The following RASGRF2 variants were observed in gnomAD, a reference collection of about 807,000 sequenced individuals.
The protein encoded by RASGRF2 is Ras protein specific guanine nucleotide releasing factor 2, also known as ras-specific guanine nucleotide-releasing factor 2.
A neutral mutation model predicts 151.0 loss-of-function variants in RASGRF2; 76 were observed. The ratio of observed to expected loss-of-function variants is 0.50; its 90% CI spans 0.42 to 0.61. RASGRF2 has a LOEUF of 0.61. Among genes scored for constraint, RASGRF2 ranks in the 20% least tolerant of loss-of-function variants. The pLI is 0.00. For synonymous variants in RASGRF2, 504 were observed against 566.5 expected (o/e 0.89, Z 1.57); for missense variants, 1,148 against 1,564.6 (o/e 0.73, Z 4.49).
At position 81,085,912 on chromosome 5, in the gene RASGRF2, G is replaced by C. The variant is rs1752216431; in HGVS notation, c.1271+1G>C. The C allele has an allele frequency of 6.2e-7, 1 of 1,613,910 alleles. No individual in the cohort carries two copies. On this transcript the variant is annotated splice_donor_variant, in intron 8 of 26. Coordinates refer to ENST00000265080, the MANE Select transcript of RASGRF2 (RefSeq NM_006909.3). LOFTEE classifies it high-confidence loss of function. ...AATCAAAGCTAGAGGAACTATCCAG[G>C]TATGCCAAGAACTTATAACAAAGGC... is the stretch of plus-strand genomic sequence containing the variant.
intron 17 of RASGRF2, among the ~76,000 whole-genome samples, chr5:81,172,434 CGTGTGTGT>C (rs57957668): frequency 0.075 from 10,912 of 145,292 alleles, 455 homozygotes; most frequent in Non-Finnish European, 0.1. Flanking sequence ...CAAGGATGTG[CGTGTGTGT>C]GTGTGTGTGT....
At chr5:80,982,640 G>C (rs1035712713) in intron 1 of RASGRF2, among the ~76,000 whole-genome samples, 1 of 140,202 alleles carries the variant, frequency 7.1e-6, no homozygotes, top group African/African-American at 2.6e-5. Context: ...TCGCTCTGTT[G>C]CCCAGGCTGG....
intron 12 of RASGRF2, among the ~76,000 whole-genome samples, chr5:81,098,926 T>C (rs1323245084): frequency 6.6e-6 from 1 of 152,262 alleles, no homozygotes; most frequent in African/African-American, 2.4e-5. Context: ...AATATTTTAT[T>C]GTGTATATGT....
intron 18 of RASGRF2, among the ~76,000 whole-genome samples, chr5:81,199,485 C>T (rs1285935749): frequency 6.6e-6 from 1 of 152,148 alleles, no homozygotes; most frequent in Non-Finnish European, 1.5e-5. Context: ...AATAAGTAAT[C>T]TCTGAGGTGT....
chr5:81,013,352 T>C (rs1749529783), intron 1 of RASGRF2, among the ~76,000 whole-genome samples: 1 of 152,186 alleles, frequency 6.6e-6, no homozygotes, highest in Non-Finnish European at 1.5e-5. Flanking sequence ...TTTTCCATAC[T>C]TTCTCCCTTA....
rs778879003 is a variant in RASGRF2 at position 81,068,016 on chromosome 5, G to T, written c.396-16G>T. 20 of 1,585,870 alleles carry T rather than the reference G, an allele frequency of 1.3e-5. No homozygotes were observed. Among genetic ancestry groups the T allele is most frequent in the Admixed American group, 3.5e-5 (2 of 57,064 alleles). On this transcript the variant is annotated splice_polypyrimidine_tract_variant and intron_variant, in intron 2 of 26. Transcript: ENST00000265080. ...GAACAATATCTCAATGACTAACTGTGTAATTTTCTCTCAAGTTATGCAGAC... is the reference window on the plus strand; with the variant it reads ...GAACAATATCTCAATGACTAACTGTTTAATTTTCTCTCAAGTTATGCAGAC...
At chr5:81,034,963 G>A (rs1465026520) in intron 1 of RASGRF2, among the ~76,000 whole-genome samples, 1 of 151,744 alleles carries the variant, frequency 6.6e-6, no homozygotes, top group Non-Finnish European at 1.5e-5. Flanking sequence ...TAAAAAAAAA[G>A]TCAGGAAACA....
At chr5:81,071,673 A>G (rs1422124605) in intron 4 of RASGRF2, among the ~76,000 whole-genome samples, 1 of 151,896 alleles carries the variant, frequency 6.6e-6, no homozygotes, top group East Asian at 1.9e-4. Flanking sequence ...AATCAAGCTT[A>G]TGCTATTGTG....
chr5:80,988,281 G>C (rs1356689244), intron 1 of RASGRF2, among the ~76,000 whole-genome samples: 3 of 152,094 alleles, frequency 2.0e-5, no homozygotes, highest in Non-Finnish European at 4.4e-5. Context: ...AAACTCCTGG[G>C]CTGAAGTGAT....
At chr5:80,989,556 A>G (rs767536399) in intron 1 of RASGRF2, among the ~76,000 whole-genome samples, 8 of 152,214 alleles carry the variant, frequency 5.3e-5, no homozygotes, top group African/African-American at 7.2e-5. Flanking sequence ...TATCATCAGA[A>G]CAACTAATAA....
chr5:81,207,379 T>C (rs1283632351), intron 21 of RASGRF2, 30 bp downstream of exon 21: 1 of 1,552,810 alleles, frequency 6.4e-7, no homozygotes, highest in South Asian at 1.1e-5. Context: ...GCAGCAGGGC[T>C]CGGCTGCTCT....
intron 17 of RASGRF2, among the ~76,000 whole-genome samples, chr5:81,155,153 T>A (rs7712278): frequency 0.29 from 44,430 of 151,970 alleles, 6,857 homozygotes; most frequent in East Asian, 0.4. Context: ...TGGGATTCAG[T>A]TAAGTAGTGT....
At chr5:81,221,123 G>A (rs1417821279) in intron 26 of RASGRF2, among the ~76,000 whole-genome samples, 1 of 152,180 alleles carries the variant, frequency 6.6e-6, no homozygotes, top group Non-Finnish European at 1.5e-5. Context: ...ATTTCTGACT[G>A]TTGATGTTAG....
chr5:81,134,535 G>C (rs75501809), intron 17 of RASGRF2, among the ~76,000 whole-genome samples: 1 of 152,000 alleles, frequency 6.6e-6, no homozygotes, highest in Non-Finnish European at 1.5e-5. Context: ...ATAAATTCTC[G>C]GGCCACACAT....
chr5:81,043,484 A>G (rs1750742109), intron 2 of RASGRF2, among the ~76,000 whole-genome samples: 1 of 152,206 alleles, frequency 6.6e-6, no homozygotes, highest in Non-Finnish European at 1.5e-5. Context: ...AGGGGATGAC[A>G]TCCTCTATTT....
intron 18 of RASGRF2, among the ~76,000 whole-genome samples, chr5:81,188,292 A>T (rs1406256435): frequency 6.6e-6 from 1 of 152,226 alleles, no homozygotes; most frequent in African/African-American, 2.4e-5. Context: ...TAGGAGAAAG[A>T]TGCCTCTCTG....
intron 2 of RASGRF2, among the ~76,000 whole-genome samples, chr5:81,062,197 C>T (rs968089162): frequency 1.3e-5 from 2 of 151,952 alleles, no homozygotes; most frequent in African/African-American, 4.8e-5. Flanking sequence ...TTGTGTGAAG[C>T]CCTTTTGTGT....
At chr5:81,155,063 G>C (rs1435923284) in intron 17 of RASGRF2, among the ~76,000 whole-genome samples, 3 of 152,012 alleles carry the variant, frequency 2.0e-5, no homozygotes, top group Non-Finnish European at 2.9e-5. Context: ...TCACCTGTTG[G>C]CCATTTGTGT....
At chr5:81,189,994 G>A (rs1413917348) in intron 18 of RASGRF2, among the ~76,000 whole-genome samples, 2 of 152,316 alleles carry the variant, frequency 1.3e-5, no homozygotes, top group East Asian at 3.9e-4. Flanking sequence ...TTACAGGCGT[G>A]AGCCACTACG....
Sources: gnomAD v4.1 joint callset for allele counts (sites outside exome capture counted in the v4.1 genomes callset) on GRCh38, gnomAD v4.1.1 for gene constraint, MANE v1.5 for transcripts, NCBI Gene and HGNC (gene_info 2026-07-23, HGNC 2026-07-21) for gene names.